EML5: variants seen among roughly 807,000 people sequenced by gnomAD.
The protein encoded by EML5 is echinoderm microtubule-associated protein-like 5.
EML5 carries 120 observed loss-of-function variants against 250.0 expected under a neutral mutation model. The observed-to-expected ratio is 0.48, with a 90% CI of 0.41 to 0.56. The LOEUF is 0.56. Ranked by LOEUF, EML5 falls within the 20% of genes least tolerant of loss-of-function variation. The pLI is 0.00. For missense variants in EML5, 2,006 were observed against 2,437.6 expected (o/e 0.82, Z 3.73); for synonymous variants, 771 against 806.5 (o/e 0.96, Z 0.75).
intron 29 of EML5, 34 bp from the exon 30 acceptor site, chr14:88,644,545 G>T: frequency 6.3e-7 from 1 of 1,595,294 alleles, no homozygotes; most frequent in Non-Finnish European, 8.6e-7. Flanking sequence ...GGAAAGGCAT[G>T]CAGCACTCAG....
At chr14:88,701,523 GGAA>G (rs1221246017) in intron 14 of EML5, among the ~76,000 whole-genome samples, 2 of 151,974 alleles carry the variant, frequency 1.3e-5, no homozygotes, top group African/African-American at 4.8e-5. Context: ...ATGAAAGAAA[GGAA>G]GAAGGAGAGG....
chr14:88,694,626 C>T (rs1263435860), intron 16 of EML5, among the ~76,000 whole-genome samples: 2 of 152,180 alleles, frequency 1.3e-5, no homozygotes, highest in African/African-American at 4.8e-5. Flanking sequence ...AACTGAACTC[C>T]TTTTGGACAG....
chr14:88,784,393 C>T (rs1385366217), intron 1 of EML5, among the ~76,000 whole-genome samples: 2 of 149,190 alleles, frequency 1.3e-5, no homozygotes, highest in Non-Finnish European at 3.0e-5. Flanking sequence ...ATTGACAAAC[C>T]TTTAGCCACA....
At chr14:88,703,232 G>A (rs1299918953) in intron 13 of EML5, among the ~76,000 whole-genome samples, 1 of 152,040 alleles carries the variant, frequency 6.6e-6, no homozygotes, top group Non-Finnish European at 1.5e-5. Flanking sequence ...AAAAACAATT[G>A]CTTTTTATAA....
intron 32 of EML5, among the ~76,000 whole-genome samples, chr14:88,634,797 G>C (rs1030182114): frequency 1.3e-5 from 2 of 151,916 alleles, no homozygotes; most frequent in African/African-American, 4.8e-5. Context: ...CCCTCATTTT[G>C]GTTTATAAAA....
chr14:88,750,297 G>T (rs915820137), intron 2 of EML5, among the ~76,000 whole-genome samples: 1 of 151,964 alleles, frequency 6.6e-6, no homozygotes, highest in Non-Finnish European at 1.5e-5. Context: ...TACTTCACAG[G>T]GGTCACTATG....
At chr14:88,628,907 A>C (rs2090232943) in intron 33 of EML5, among the ~76,000 whole-genome samples, 1 of 152,026 alleles carries the variant, frequency 6.6e-6, no homozygotes, top group Non-Finnish European at 1.5e-5. Flanking sequence ...TCAAAACTAC[A>C]CGGAAACATA....
At chr14:88,732,593 T>C (rs189017188) in intron 7 of EML5, among the ~76,000 whole-genome samples, 2 of 152,330 alleles carry the variant, frequency 1.3e-5, no homozygotes, top group East Asian at 3.9e-4. Flanking sequence ...TCCACTTCTG[T>C]GAAGAAAGTC....
intron 23 of EML5, 59 bp from the exon 24 acceptor site, chr14:88,663,178 A>G: frequency 9.1e-7 from 1 of 1,094,110 alleles, no homozygotes; most frequent in Non-Finnish European, 1.3e-6. Context: ...TATATATACC[A>G]TCAGTATGAT....
At chr14:88,754,066 G>C (rs1041221688) in intron 2 of EML5, among the ~76,000 whole-genome samples, 1 of 151,990 alleles carries the variant, frequency 6.6e-6, no homozygotes, top group Non-Finnish European at 1.5e-5. Flanking sequence ...GAGCCCAAGA[G>C]TATGAGTTAT....
At chr14:88,673,778 T>C (rs1460382599) in intron 21 of EML5, among the ~76,000 whole-genome samples, 2 of 152,180 alleles carry the variant, frequency 1.3e-5, no homozygotes, top group Non-Finnish European at 2.9e-5. Context: ...CTGTTCACAA[T>C]TGCTATGAAG....
chr14:88,621,657 A>G (rs2088964501), intron 37 of EML5: 1 of 290,874 alleles, frequency 3.4e-6, no homozygotes, highest in African/African-American at 2.2e-5. Flanking sequence ...TTTTTTAGTT[A>G]AAAAGTAAAA....
intron 21 of EML5, among the ~76,000 whole-genome samples, chr14:88,676,968 A>G (rs2092608705): frequency 6.6e-6 from 1 of 152,180 alleles, no homozygotes; most frequent in Non-Finnish European, 1.5e-5. Flanking sequence ...GCAGTGGCAC[A>G]ATCTTGGCTC....
In EML5 at chr14:88,712,340, C is replaced by A; in HGVS notation, c.1588G>T (p.Gly530Cys). The change falls in exon 10 of 44, where the codon GGC becomes TGC. Residue 530 changes from glycine to cysteine, a missense_variant. Gly to Cys is a radical substitution (Grantham distance 159). Around this residue, in one of 7 missense-constraint regions of EML5, gnomAD observed 1,375 missense variants for 1,590.3 expected, o/e 0.86. Coordinates refer to ENST00000554922, the MANE Select transcript of EML5 (RefSeq NM_183387.3). ...DINSVDGNYI[G>C]QVLVTADDYG... Reference sequence around the variant, plus strand: ...TCATCAGCTGTAACTAAAACTTGGCCAATATAATTTCCATCTACTGAATTT... The same window carrying A: ...TCATCAGCTGTAACTAAAACTTGGCAAATATAATTTCCATCTACTGAATTT... 6.2e-7 allele frequency: 1 copy of A among 1,613,238 alleles called. No individual in the cohort carries two copies. The highest frequency in any genetic ancestry group is 1.1e-5 in the South Asian group (1 of 91,066).
intron 14 of EML5, among the ~76,000 whole-genome samples, chr14:88,701,961 G>T (rs947112897): frequency 4.6e-5 from 7 of 152,036 alleles, no homozygotes; most frequent in African/African-American, 1.7e-4. Context: ...CATATAGAGA[G>T]GTATCAGTTA....
intron 1 of EML5, among the ~76,000 whole-genome samples, chr14:88,760,795 C>A (rs753095017): frequency 2.0e-5 from 3 of 152,060 alleles, no homozygotes; most frequent in Non-Finnish European, 2.9e-5. Flanking sequence ...AAACATAGTA[C>A]GCCCGCCCTC....
intron 6 of EML5, among the ~76,000 whole-genome samples, chr14:88,738,085 GGATCA>G (rs1417871536): frequency 2.6e-5 from 4 of 151,964 alleles, no homozygotes; most frequent in African/African-American, 9.7e-5. Context: ...GTTCTTGTGA[GGATCA>G]GATAAGAAAA....
intron 1 of EML5, among the ~76,000 whole-genome samples, chr14:88,766,331 A>G (rs1356347719): frequency 6.6e-6 from 1 of 152,204 alleles, no homozygotes; most frequent in African/African-American, 2.4e-5. Flanking sequence ...AATAGGAGAA[A>G]TATTGCTGAA....
intron 32 of EML5, among the ~76,000 whole-genome samples, chr14:88,637,128 C>CT (rs149055297): frequency 3.3e-5 from 5 of 152,118 alleles, no homozygotes; most frequent in Non-Finnish European, 5.9e-5. Flanking sequence ...AAACAATTCT[C>CT]TTTATGTGTG....
Sources: allele counts gnomAD v4.1 joint callset (sites outside exome capture counted in the v4.1 genomes callset), GRCh38; gene constraint gnomAD v4.1.1; regional missense constraint gnomAD v4.1.1; transcripts MANE v1.5; gene names NCBI Gene and HGNC (gene_info 2026-07-23, HGNC 2026-07-21).